EXOC6: variants seen among roughly 807,000 people sequenced by gnomAD.
The protein encoded by EXOC6 is exocyst complex component 6, also known as SEC15-like 1.
Under a neutral mutation model 112.5 loss-of-function variants are expected in EXOC6, and 60 were observed. That is an observed-to-expected ratio of 0.53 (90% CI 0.43 to 0.66). The LOEUF is 0.66. Among genes scored for constraint, EXOC6 ranks in the 30% least tolerant of loss-of-function variants. The probability of loss-of-function intolerance (pLI) is 0.00; values close to 1 mark genes in which losing one functional copy is unlikely to be tolerated. For missense variants in EXOC6, 855 were observed against 957.1 expected, an observed-to-expected ratio of 0.89 and a Z score of 1.41; for synonymous variants, 295 against 308.0, an observed-to-expected ratio of 0.96 and a Z score of 0.44.
chr10:92,888,131 A>G (rs11814666), intron 1 of EXOC6, among the ~76,000 whole-genome samples: 3,350 of 152,182 alleles, frequency 0.022, 57 homozygotes, highest in African/African-American at 0.041. Context: ...TTTCATTGGA[A>G]CTTACGGTTC....
chr10:92,974,820 G>C (rs1057131660), intron 18 of EXOC6, among the ~76,000 whole-genome samples: 4 of 152,152 alleles, frequency 2.6e-5, no homozygotes, highest in Admixed American at 2.0e-4. Flanking sequence ...CGCCAGCCTC[G>C]GCCTCCCGAG....
intron 1 of EXOC6, among the ~76,000 whole-genome samples, chr10:92,868,503 C>T (rs983202516): frequency 2.0e-5 from 3 of 151,690 alleles, no homozygotes; most frequent in Non-Finnish European, 2.9e-5. Context: ...TGCATCTCAT[C>T]GCTTATCTTT....
chr10:93,057,102 G>C (rs12783274), intron 21 of EXOC6, 66 bp downstream of exon 21: 75,653 of 821,094 alleles, frequency 0.092, 4,364 homozygotes, highest in Non-Finnish European at 0.12. Flanking sequence ...ATAAACTGAA[G>C]AACTAGAGAT....
intron 1 of EXOC6, among the ~76,000 whole-genome samples, chr10:92,886,177 G>A (rs540326979): frequency 3.1e-4 from 47 of 152,272 alleles, no homozygotes; most frequent in African/African-American, 1.1e-3. Context: ...CAAAGAGTGA[G>A]TACTGCTTAA....
chr10:92,959,444 A>G (rs147799812), intron 17 of EXOC6, among the ~76,000 whole-genome samples: 2,143 of 152,320 alleles, frequency 0.014, 26 homozygotes, highest in Middle Eastern at 0.031. Context: ...GGGTGGGGCA[A>G]TGACTTTTTA....
upstream of EXOC6, among the ~76,000 whole-genome samples, chr10:92,844,946 G>C (rs951222105): frequency 6.6e-6 from 1 of 152,198 alleles, no homozygotes; most frequent in African/African-American, 2.4e-5. Flanking sequence ...ACCTCATTCT[G>C]AGGGAGGCGC....
At chr10:92,989,550 C>A (rs943223432) in intron 18 of EXOC6, among the ~76,000 whole-genome samples, 3 of 152,168 alleles carry the variant, frequency 2.0e-5, no homozygotes, top group African/African-American at 7.2e-5. Flanking sequence ...AACAAAAGAC[C>A]CTTTAGCACC....
intron 1 of EXOC6, among the ~76,000 whole-genome samples, chr10:92,849,192 G>C (rs1235991958): frequency 1.3e-5 from 2 of 149,368 alleles, no homozygotes; most frequent in East Asian, 3.9e-4. Context: ...CAGTGGGCGA[G>C]AAGAGAGCGT....
At chr10:92,968,659 T>TA (rs977371116) in intron 17 of EXOC6, among the ~76,000 whole-genome samples, 10 of 152,142 alleles carry the variant, frequency 6.6e-5, no homozygotes, top group African/African-American at 1.9e-4. Flanking sequence ...CATTACTAGG[T>TA]AAAAAAACAT....
At chr10:92,995,325 G>A (rs958580327) in intron 18 of EXOC6, among the ~76,000 whole-genome samples, 3 of 152,042 alleles carry the variant, frequency 2.0e-5, no homozygotes, top group Admixed American at 6.6e-5. Flanking sequence ...GTAATCATTT[G>A]TAGCGTCTGA....
rs188433441 is a variant in EXOC6 at position 93,033,082 on chromosome 10, G to A, written c.2169+18815G>A. ...GAGCCAAATCATGTAAGGCCTTGAG[G>A]GTTTTGTTAAGGAGTTTGGATCATA... On this transcript the variant is annotated intron_variant, in intron 20 of 21. Coordinates refer to ENST00000260762, the MANE Select transcript of EXOC6 (RefSeq NM_019053.6). Among the ~76,000 whole-genome samples the A allele has an allele frequency of 5.9e-5, 9 of 152,150 alleles. No individual in the cohort carries two copies. The East Asian group carries it at 1.5e-3, about 26-fold the overall frequency.
chr10:92,831,724 C>T (rs901335860), upstream of EXOC6, among the ~76,000 whole-genome samples: 2 of 152,058 alleles, frequency 1.3e-5, no homozygotes, highest in Non-Finnish European at 2.9e-5. Context: ...TGTGACCCAC[C>T]GCGCCCAGCC....
intron 1 of EXOC6, among the ~76,000 whole-genome samples, chr10:92,882,342 G>A (rs369437880): frequency 1.3e-5 from 2 of 151,902 alleles, no homozygotes; most frequent in Non-Finnish European, 2.9e-5. Flanking sequence ...TCAGGAGTTC[G>A]AGACCAGCCT....
chr10:92,948,473 T>A, intron 14 of EXOC6, 94 bp downstream of exon 14: 1 of 749,468 alleles, frequency 1.3e-6, no homozygotes, highest in Non-Finnish European at 2.1e-6. Flanking sequence ...AGACTGTAAA[T>A]AACAGTGGTT....
rs1450969199 is a variant in EXOC6 at position 93,007,241 on chromosome 10, C to T, written c.2096-6953C>T. Reference sequence around the variant, plus strand: ...TTCCCCCCTCGTAACAAACCCTTTACATTTTGCATAGATCCTGAGGGGAAG... The same window carrying T: ...TTCCCCCCTCGTAACAAACCCTTTATATTTTGCATAGATCCTGAGGGGAAG... On this transcript the variant is annotated intron_variant, in intron 19 of 21. Coordinates refer to ENST00000260762, the MANE Select transcript of EXOC6 (RefSeq NM_019053.6). 3.9e-5 allele frequency among the ~76,000 whole-genome samples: 6 copies of T among 152,100 alleles called. No homozygotes were observed. In the East Asian group the frequency reaches 1.2e-3, roughly 29 times the overall value.
At chr10:92,989,249 T>A (rs895325783) in intron 18 of EXOC6, among the ~76,000 whole-genome samples, 6 of 152,346 alleles carry the variant, frequency 3.9e-5, no homozygotes, top group Admixed American at 6.5e-5. Flanking sequence ...TGAAGGTCAT[T>A]TTCTTGTTTG....
chr10:92,880,520 C>A (rs1410524468), intron 1 of EXOC6, among the ~76,000 whole-genome samples: 1 of 152,102 alleles, frequency 6.6e-6, no homozygotes, highest in Admixed American at 6.6e-5. Context: ...ATCCTCACAG[C>A]ACTTGTGAAT....
At chr10:92,946,824 A>C (rs1853046106) in intron 13 of EXOC6, among the ~76,000 whole-genome samples, 1 of 152,188 alleles carries the variant, frequency 6.6e-6, no homozygotes, top group Non-Finnish European at 1.5e-5. Flanking sequence ...TCATCTGTAA[A>C]GACCCTACAG....
chr10:92,991,240 AG>A (rs1843227198), intron 18 of EXOC6, among the ~76,000 whole-genome samples: 1 of 151,566 alleles, frequency 6.6e-6, no homozygotes, highest in African/African-American at 2.4e-5. Flanking sequence ...GTTTGAGACC[AG>A]CCTGGCCAAT....
Sources: allele counts gnomAD v4.1 joint callset (sites outside exome capture counted in the v4.1 genomes callset), GRCh38; gene constraint gnomAD v4.1.1; transcripts MANE v1.5; gene names NCBI Gene and HGNC (gene_info 2026-07-23, HGNC 2026-07-21).